The following FLNC variants were observed in gnomAD, a reference collection of about 807,000 sequenced individuals.
FLNC encodes the protein filamin-C.
In FLNC, 91 loss-of-function variants were observed where a neutral mutation model predicts 254.3. The ratio of observed to expected loss-of-function variants is 0.36; its 90% CI spans 0.30 to 0.43. The LOEUF (loss-of-function observed/expected upper bound fraction) is 0.43. Ranked by LOEUF, FLNC falls within the 20% of genes least tolerant of loss-of-function variation. The pLI, the probability that FLNC is intolerant of heterozygous loss-of-function variation, is 1.00. For synonymous variants in FLNC, 1,430 were observed against 1,577.2 expected (o/e 0.91, Z 2.21); for missense variants, 2,853 against 3,802.6 (o/e 0.75, Z 6.57).
At chr7:128,843,084 G>A (rs2128935854) in intron 16 of FLNC, 130 bp downstream of exon 16, 3 of 1,382,976 alleles carry the variant, frequency 2.2e-6, no homozygotes, top group African/African-American at 2.9e-5. Context: ...TGTGAGGCAG[G>A]GTGCCTCAGA....
At position 128,850,048 on chromosome 7, in the gene FLNC, C is replaced by T. The variant is rs369187211; in HGVS notation, c.5272C>T (p.Arg1758Trp). Residue 1758 changes from arginine (R) to tryptophan (W), a missense_variant, in exon 31 of 48, where the codon CGG (arginine) becomes TGG (tryptophan). Around this residue, in one of 10 missense-constraint regions of FLNC, gnomAD observed 258 missense variants for 312.3 expected, o/e 0.83. Transcript: ENST00000325888. ...GCTGCGCCAGCCCTACGCTCCTCCC[C>T]GGCCCGGCGCCCGCCCCACACACTG... ...PQLRQPYAPP[R>W]PGARPTHWAT... 6.5e-5 allele frequency: 101 copies of T among 1,545,956 alleles called. 4 individuals are homozygous for T. In the South Asian group the frequency reaches 6.7e-4, roughly 10 times the overall value.
At chr7:128,834,028 C>T (rs545157860) in intron 1 of FLNC, among the ~76,000 whole-genome samples, 1 of 152,260 alleles carries the variant, frequency 6.6e-6, no homozygotes, top group Admixed American at 6.5e-5. Context: ...TTCCCAGGCT[C>T]TCGGTCTCCT....
At chr7:128,832,592 G>T (rs1475642419) in intron 1 of FLNC, among the ~76,000 whole-genome samples, 1 of 152,218 alleles carries the variant, frequency 6.6e-6, no homozygotes, top group Non-Finnish European at 1.5e-5. Flanking sequence ...CCCCTCCCCC[G>T]TGGCGGTGCC....
At chr7:128,855,102 G>T in intron 42 of FLNC, 97 bp from the exon 43 acceptor site, 3 of 1,092,134 alleles carry the variant, frequency 2.7e-6, no homozygotes, top group South Asian at 1.2e-5. Context: ...TCTGAGCGCT[G>T]ACCACAGAGC....
intron 34 of FLNC, 46 bp downstream of exon 34, chr7:128,851,406 G>A: frequency 6.2e-7 from 1 of 1,613,952 alleles, no homozygotes; most frequent in East Asian, 2.2e-5. Flanking sequence ...CTCACCAGGG[G>A]CAGGGGTGAG....
intron 30 of FLNC, 147 bp from the exon 31 acceptor site, chr7:128,849,829 C>T: frequency 1.3e-6 from 1 of 761,892 alleles, no homozygotes; most frequent in Admixed American, 2.0e-5. Context: ...TCCACCATCC[C>T]CAGCTCCATC....
intron 8 of FLNC, among the ~76,000 whole-genome samples, chr7:128,839,434 G>A (rs1471572136): frequency 6.6e-6 from 1 of 152,194 alleles, no homozygotes; most frequent in African/African-American, 2.4e-5. Flanking sequence ...TGGAATATGT[G>A]TCGTGTCCTG....
chr7:128,837,582 G>T, intron 4 of FLNC, 34 bp downstream of exon 4: 2 of 1,613,900 alleles, frequency 1.2e-6, no homozygotes, highest in Non-Finnish European at 1.7e-6. Context: ...CTCCTGGGCA[G>T]CTGGGCACAT....
In FLNC at chr7:128,854,603, G is replaced by C. The variant is rs534276398; in HGVS notation, c.6918G>C (p.Val2306=). The change falls in exon 41 of 48, where the codon GTG becomes GTC. Residue 2306 remains valine (V), a synonymous_variant. Transcript: ENST00000325888. Reference sequence around the variant, plus strand: ...CCGGCAGCCCCTTTCAGTTCACTGTGGGGCCGCTGGGTGAAGGTGGTGCCC... The same window carrying C: ...CCGGCAGCCCCTTTCAGTTCACTGTCGGGCCGCTGGGTGAAGGTGGTGCCC... The part of the protein sequence containing the change: ...HVPGSPFQFT[V]GPLGEGGAHK... The C allele has an allele frequency of 6.2e-7, 1 of 1,611,274 alleles. No homozygotes were observed. The highest frequency in any genetic ancestry group is 1.1e-5 in the South Asian group (1 of 90,704).
chr7:128,849,252 C>T (rs572885668), intron 29 of FLNC, 48 bp downstream of exon 29: 104 of 1,614,038 alleles, frequency 6.4e-5, no homozygotes, highest in South Asian at 6.4e-4. Context: ...GGGTGGTTGG[C>T]GGTAGGGGGC....
At chr7:128,855,720 T>G (rs1318058963) in intron 43 of FLNC, among the ~76,000 whole-genome samples, 1 of 152,212 alleles carries the variant, frequency 6.6e-6, no homozygotes, top group Non-Finnish European at 1.5e-5. Flanking sequence ...GCCTATGGGC[T>G]GCAGAGCCTG....
At chr7:128,843,723 G>A (rs1466285291) in intron 18 of FLNC, 73 bp from the exon 19 acceptor site, 6 of 1,510,054 alleles carry the variant, frequency 4.0e-6, no homozygotes, top group Non-Finnish European at 4.6e-6. Context: ...GAGCTTCAGA[G>A]CCCATATTCA....
intron 37 of FLNC, 169 bp downstream of exon 37, chr7:128,853,200 G>A (rs913517419): frequency 4.3e-5 from 32 of 741,458 alleles, no homozygotes; most frequent in African/African-American, 1.0e-4. Context: ...GAATGGCCCC[G>A]CATCAGTTCT....
chr7:128,854,936 GGCTGGGCCTGC>G, intron 42 of FLNC, 24 bp downstream of exon 42: 1 of 1,612,954 alleles, frequency 6.2e-7, no homozygotes. Flanking sequence ...CTGGCAGTGG[GGCTGGGCCTGC>G]CTGACCTTCC....
At chr7:128,853,139 C>T in intron 37 of FLNC, 108 bp downstream of exon 37, 1 of 1,146,836 alleles carries the variant, frequency 8.7e-7, no homozygotes, top group Non-Finnish European at 1.3e-6. Flanking sequence ...CCTGAAACTT[C>T]CTGACCAGTC....
rs778045731 is a variant in FLNC, at chr7:128,843,799, A to G, written c.2815A>G (p.Asn939Asp). The G allele has an allele frequency of 2.5e-6, 4 of 1,613,858 alleles. No individual in the cohort carries two copies. The highest frequency in any genetic ancestry group is 3.4e-6 in the Non-Finnish European group (4 of 1,179,876). The change falls in exon 19 of 48, where the codon AAC becomes GAC. Residue 939 changes from asparagine to aspartate, a missense_variant. Transcript: ENST00000325888. The stretch of plus-strand genomic sequence containing the variant: ...GACCTACCATTGTACCCAACAGGGC[A>G]ACATGGCAGTGACAGTGACTTATGG... The part of the protein sequence containing the change: ...TVKYTAVQQG[N>D]MAVTVTYGGD...
rs1203656033 is a variant in FLNC, at chr7:128,841,743, C to T, written c.2121+176C>T. On this transcript the variant is annotated intron_variant, in intron 13 of 47. Coordinates refer to ENST00000325888, the MANE Select transcript of FLNC (RefSeq NM_001458.5). The surrounding 1 kb of genome is among the most constrained non-coding windows in gnomAD (Gnocchi z 4.3). ...TGGAAAATTTTAAATTTTGTGTTTT[C>T]TTAACGATGATAACCTAAAAACGTA... Among the ~76,000 whole-genome samples the T allele has an allele frequency of 2.0e-5, 3 of 152,190 alleles. No homozygotes were observed. Among genetic ancestry groups the T allele is most frequent in the Non-Finnish European group, 4.4e-5 (3 of 68,032 alleles).
chr7:128,842,285 T>C lies in FLNC; in HGVS notation c.2176T>C (p.Phe726Leu). Residue 726 changes from phenylalanine to leucine, a missense_variant, in exon 14 of 48, where the codon TTC (phenylalanine) becomes CTC (leucine). Physicochemically the swap from Phe to Leu is conservative, Grantham distance 22 (BLOSUM62 0). Around this residue, in one of 10 missense-constraint regions of FLNC, gnomAD observed 1,573 missense variants for 1,883.5 expected, o/e 0.84. Transcript: ENST00000325888. The surrounding 1 kb of genome is among the most constrained non-coding windows in gnomAD (Gnocchi z 5.4). The stretch of plus-strand genomic sequence containing the variant: ...GGTGATCCCCAACGGCGACGGCACC[T>C]TCCGCTGCTCCTACGTGCCCACCAA... The part of the protein sequence containing the change: ...IKVIPNGDGT[F>L]RCSYVPTKPI... 6.2e-7 allele frequency: 1 copy of C among 1,613,860 alleles called. No homozygotes were observed. The highest frequency in any genetic ancestry group is 1.3e-5 in the African/African-American group (1 of 75,062).
Position 128,847,855 on chromosome 7 carries a change from G to A in FLNC, c.4447G>A (p.Gly1483Ser). 6.2e-7 allele frequency: 1 copy of A among 1,613,818 alleles called. No homozygotes were observed. The highest frequency in any genetic ancestry group is 8.5e-7 in the Non-Finnish European group (1 of 1,179,956). ...GGCGCCCCTGCAGGTGGCTGTGCTGGGCCCCACAGGTATAGAATGGCCGGG... is the reference window on the plus strand; with the variant it reads ...GGCGCCCCTGCAGGTGGCTGTGCTGAGCCCCACAGGTATAGAATGGCCGGG... Reference protein sequence around the residue: ...GRAPLQVAVLGPTGVAEPVEV... With the variant: ...GRAPLQVAVLSPTGVAEPVEV... The change falls in exon 25 of 48, where the codon GGC becomes AGC. Residue 1483 changes from glycine (G) to serine (S), a missense_variant. This residue lies in a region of FLNC where 1,573 missense variants were observed against 1,883.5 expected (regional missense o/e 0.84). Transcript: ENST00000325888.
Sources: gnomAD v4.1 joint callset for allele counts (sites outside exome capture counted in the v4.1 genomes callset) on GRCh38, gnomAD v4.1.1 for gene constraint, gnomAD v4.1.1 regional missense constraint, Gnocchi (gnomAD v3.1) non-coding constraint, MANE v1.5 for transcripts, NCBI Gene and HGNC (gene_info 2026-07-23, HGNC 2026-07-21) for gene names.